Variants in CD163L1 observed in about 807,000 individuals in gnomAD.
The protein encoded by CD163L1 is scavenger receptor cysteine-rich type 1 protein M160.
A neutral mutation model predicts 165.4 loss-of-function variants in CD163L1; 124 were observed. The observed-to-expected ratio is 0.75, with a 90% CI of 0.65 to 0.87. The LOEUF is 0.87. CD163L1 is among the 40% of genes least tolerant of loss of function. CD163L1 has a pLI of 0.00. For synonymous variants in CD163L1, 585 were observed against 662.2 expected, an observed-to-expected ratio of 0.88 and a Z score of 1.79; for missense variants, 1,525 against 1,799.9, an observed-to-expected ratio of 0.85 and a Z score of 2.76.
intron 4 of CD163L1, among the ~76,000 whole-genome samples, chr12:7,421,594 CATATATGT>C (rs1948426259): frequency 7.8e-5 from 1 of 12,884 alleles, no homozygotes; most frequent in Non-Finnish European, 2.9e-4. Flanking sequence ...TATACATATA[CATATATGT>C]ACACATATAC....
At chr12:7,438,698 C>T (rs1948772383) in intron 2 of CD163L1, 2 of 765,876 alleles carry the variant, frequency 2.6e-6, no homozygotes, top group Non-Finnish European at 4.1e-6. Flanking sequence ...TTTCTCATAG[C>T]TTGACTGTTT....
chr12:7,370,959 G>A (rs1947134076), intron 14 of CD163L1, among the ~76,000 whole-genome samples: 2 of 152,170 alleles, frequency 1.3e-5, no homozygotes, highest in East Asian at 1.9e-4. Context: ...GTGTTGTGGG[G>A]GGGACCTGGT....
intron 4 of CD163L1, among the ~76,000 whole-genome samples, chr12:7,420,984 G>GGTATATATATATATATATATACGT (rs1948336477): frequency 9.8e-6 from 1 of 101,550 alleles, no homozygotes; most frequent in African/African-American, 5.2e-5. Flanking sequence ...AAGAAATTGT[G>GGTATATATATATATATATATACGT]GTATATATAT....
chr12:7,412,505 A>G (rs115384284), intron 4 of CD163L1, among the ~76,000 whole-genome samples: 204 of 152,358 alleles, frequency 1.3e-3, no homozygotes, highest in African/African-American at 4.8e-3. Context: ...GACAATTTGT[A>G]TATGCATAAT....
the CD163L1 span, among the ~76,000 whole-genome samples, chr12:7,339,599 T>A: frequency 6.6e-6 from 1 of 152,184 alleles, no homozygotes; most frequent in South Asian, 2.1e-4. Context: ...CTGGTCTCAG[T>A]GAAACAGTCT....
chr12:7,331,624 C>G, the CD163L1 span, among the ~76,000 whole-genome samples: 3 of 152,198 alleles, frequency 2.0e-5, no homozygotes, highest in Non-Finnish European at 4.4e-5. Context: ...TTGCGGTTCA[C>G]CAATATCCGC....
the CD163L1 span, among the ~76,000 whole-genome samples, chr12:7,339,797 T>C: frequency 1.3e-5 from 2 of 152,188 alleles, no homozygotes; most frequent in African/African-American, 4.8e-5. Context: ...TTGCCTCTTA[T>C]GTGACTCAGT....
At chr12:7,356,793 G>A (rs761372048) in intron 19 of CD163L1, among the ~76,000 whole-genome samples, 45 of 152,132 alleles carry the variant, frequency 3.0e-4, no homozygotes, top group African/African-American at 1.1e-3. Flanking sequence ...ATTTGTCCTG[G>A]CACCAGTAAG....
Position 7,368,772 on chromosome 12 carries a change from C to G in CD163L1, c.4072+161G>C. ...TTTTCTAGAGAGAAGGACTGCATAG[C>G]AAAGCAGTCACAGAGCTATTGATAC... On this transcript the variant is annotated intron_variant, in intron 16 of 19. Coordinates refer to ENST00000313599, the MANE Select transcript of CD163L1 (RefSeq NM_174941.6). The surrounding 1 kb of genome is among the most constrained non-coding windows in gnomAD (Gnocchi z 4.3). 1 of 726,306 alleles carries G rather than the reference C, an allele frequency of 1.4e-6. No individual in the cohort carries two copies. 45.0% of individuals were successfully genotyped at this position (726,306 alleles called of 1,614,324 possible). A position where few individuals can be genotyped will look rare whatever the true frequency, so the allele number is the denominator to read the frequency against.
At chr12:7,389,559 T>TA (rs1347990661) in intron 8 of CD163L1, among the ~76,000 whole-genome samples, 6 of 151,862 alleles carry the variant, frequency 4.0e-5, no homozygotes, top group South Asian at 4.2e-4. Context: ...GGTGAATGTT[T>TA]AAAAAAAACA....
intron 4 of CD163L1, among the ~76,000 whole-genome samples, chr12:7,421,293 GTATATA>G (rs1292889502): frequency 1.1e-4 from 13 of 114,442 alleles, no homozygotes; most frequent in Admixed American, 1.9e-4. Context: ...ATATATGTGT[GTATATA>G]TGTATATATA....
chr12:7,412,209 T>C (rs1163053740), intron 4 of CD163L1, among the ~76,000 whole-genome samples: 1 of 152,230 alleles, frequency 6.6e-6, no homozygotes, highest in Non-Finnish European at 1.5e-5. Flanking sequence ...AATTGTTCAT[T>C]TCTAGAACAA....
intron 8 of CD163L1, among the ~76,000 whole-genome samples, chr12:7,390,406 T>C (rs1004163660): frequency 2.0e-5 from 3 of 152,120 alleles, no homozygotes; most frequent in African/African-American, 7.2e-5. Context: ...AAGGATATCC[T>C]AAATACCCTG....
intron 2 of CD163L1, among the ~76,000 whole-genome samples, chr12:7,440,717 C>T (rs1247442759): frequency 2.0e-5 from 3 of 151,168 alleles, no homozygotes; most frequent in Non-Finnish European, 4.4e-5. Context: ...ACCTCCACTT[C>T]CTGGGTTCAA....
chr12:7,402,209 A>G (rs1300963360), intron 6 of CD163L1, among the ~76,000 whole-genome samples: 4 of 152,146 alleles, frequency 2.6e-5, no homozygotes, highest in East Asian at 1.9e-4. Flanking sequence ...AATTTACTGT[A>G]CACATATGAT....
At chr12:7,356,732 A>T (rs760110701) in intron 19 of CD163L1, among the ~76,000 whole-genome samples, 12 of 152,266 alleles carry the variant, frequency 7.9e-5, no homozygotes, top group African/African-American at 2.9e-4. Flanking sequence ...TAACTGAGAG[A>T]AAGCACTGTT....
intron 4 of CD163L1, among the ~76,000 whole-genome samples, chr12:7,413,564 T>C (rs1948179846): frequency 6.6e-6 from 1 of 152,212 alleles, no homozygotes; most frequent in African/African-American, 2.4e-5. Context: ...CATCAATCTA[T>C]GCATCTCGCC....
Position 7,432,476 on chromosome 12 carries a change from G to A in CD163L1, c.706C>T (p.His236Tyr). ...CAGTCATGATTTCCCCATCCACGAT[G>A]TCTGCAATTCCAGAGTGCCAACTCA... ...GNELALWNCR[H>Y]RGWGNHDCSH... Residue 236 changes from histidine (H) to tyrosine (Y), a missense_variant, in exon 4 of 20, where the codon CAT becomes TAT. His to Tyr is a moderately conservative substitution (Grantham distance 83, BLOSUM62 2). Transcript: ENST00000313599. The surrounding 1 kb of genome is among the most constrained non-coding windows in gnomAD (Gnocchi z 4.2). 1 of 1,614,076 alleles carries A rather than the reference G, an allele frequency of 6.2e-7. No individual in the cohort carries two copies. The highest frequency in any genetic ancestry group is 8.5e-7 in the Non-Finnish European group (1 of 1,179,984).
At position 7,375,419 on chromosome 12, in the gene CD163L1, T is replaced by C. The variant is rs377703810; in HGVS notation, c.2863A>G (p.Ile955Val). 27 of 1,614,052 alleles carry C rather than the reference T, an allele frequency of 1.7e-5. No homozygotes were observed. The East Asian group carries it at 2.0e-4, about 12-fold the overall frequency. ...TALSTTGGKY[I>V]GERSVRVWGH... ...CACACACGAACACTTCTTTCTCCAA[T>C]ATATTTTCCTCCTGTGGTTGAGAGA... Residue 955 changes from isoleucine (I) to valine (V), a missense_variant, in exon 11 of 20, where the codon ATT becomes GTT. Physicochemically the swap from Ile to Val is conservative, Grantham distance 29. Coordinates refer to ENST00000313599, the MANE Select transcript of CD163L1 (RefSeq NM_174941.6).
Sources: allele counts gnomAD v4.1 joint callset (sites outside exome capture counted in the v4.1 genomes callset), GRCh38; gene constraint gnomAD v4.1.1; non-coding constraint Gnocchi (gnomAD v3.1); transcripts MANE v1.5; gene names NCBI Gene and HGNC (gene_info 2026-07-23, HGNC 2026-07-21).